Variants in EYS observed in about 807,000 individuals in gnomAD.
EYS encodes protein eyes shut homolog.
EYS carries 250 observed loss-of-function variants against 282.1 expected under a neutral mutation model. The observed-to-expected ratio is 0.89, with a 90% CI of 0.80 to 0.98. The LOEUF (loss-of-function observed/expected upper bound fraction) is 0.98. EYS is among the 50% of genes least tolerant of loss of function. The pLI is 0.00. For synonymous variants in EYS, 1,355 were observed against 1,282.9 expected, an observed-to-expected ratio of 1.06 and a Z score of -1.20; for missense variants, 4,016 against 3,709.0, an observed-to-expected ratio of 1.08 and a Z score of -2.15.
intron 26 of EYS, among the ~76,000 whole-genome samples, chr6:64,535,776 A>G (rs1256723932): frequency 1.3e-5 from 2 of 152,108 alleles, no homozygotes; most frequent in Admixed American, 6.6e-5. Flanking sequence ...AATTAAATTC[A>G]TTAAAACATT....
At chr6:65,166,435 A>T (rs775114475) in intron 12 of EYS, among the ~76,000 whole-genome samples, 1 of 151,200 alleles carries the variant, frequency 6.6e-6, no homozygotes, top group East Asian at 2.0e-4. Context: ...CCTCACATTT[A>T]TGGTCAAGTA....
intron 28 of EYS, among the ~76,000 whole-genome samples, chr6:64,389,560 A>G (rs1773032260): frequency 6.6e-6 from 1 of 152,248 alleles, no homozygotes; most frequent in Non-Finnish European, 1.5e-5. Context: ...GCACACAGCC[A>G]TATGTTTCTT....
At chr6:64,792,750 T>C (rs746599109) in intron 22 of EYS, among the ~76,000 whole-genome samples, 5 of 152,000 alleles carry the variant, frequency 3.3e-5, no homozygotes, top group African/African-American at 4.8e-5. Flanking sequence ...TATTGTATAA[T>C]GTTAGGCTAA....
chr6:65,195,822 C>T (rs1465175433), intron 12 of EYS, among the ~76,000 whole-genome samples: 1 of 151,886 alleles, frequency 6.6e-6, no homozygotes, highest in Non-Finnish European at 1.5e-5. Context: ...TGCTTCATAC[C>T]AAACAGTATT....
At chr6:64,566,389 C>G (rs1562065513) in intron 26 of EYS, among the ~76,000 whole-genome samples, 1 of 152,068 alleles carries the variant, frequency 6.6e-6, no homozygotes, top group Non-Finnish European at 1.5e-5. Context: ...GTAAAAATTG[C>G]AAAATAAATG....
At chr6:64,201,115 C>G (rs1765449120) in intron 31 of EYS, among the ~76,000 whole-genome samples, 2 of 151,876 alleles carry the variant, frequency 1.3e-5, no homozygotes, top group Admixed American at 6.6e-5. Context: ...ATAGGTTTTG[C>G]CAGATGAAGG....
chr6:64,682,325 G>A (rs1277341177), intron 22 of EYS, among the ~76,000 whole-genome samples: 1 of 151,980 alleles, frequency 6.6e-6, no homozygotes, highest in African/African-American at 2.4e-5. Flanking sequence ...CCGAAATCGC[G>A]CCACTGTACT....
intron 31 of EYS, among the ~76,000 whole-genome samples, chr6:64,162,310 T>C (rs535281913): frequency 1.4e-4 from 22 of 152,294 alleles, no homozygotes; most frequent in African/African-American, 4.6e-4. Flanking sequence ...CTGGACCATA[T>C]GCTCTAAGAA....
intron 13 of EYS, among the ~76,000 whole-genome samples, chr6:65,055,593 A>G (rs1204700858): frequency 6.6e-6 from 1 of 151,972 alleles, no homozygotes; most frequent in Non-Finnish European, 1.5e-5. Flanking sequence ...TAGAAGTAAT[A>G]TTTCCTTAGG....
At chr6:63,851,247 C>A (rs1254861522) in intron 36 of EYS, among the ~76,000 whole-genome samples, 1 of 152,134 alleles carries the variant, frequency 6.6e-6, no homozygotes. Context: ...ACCCCACTGG[C>A]AATATTGGAC....
intron 26 of EYS, among the ~76,000 whole-genome samples, chr6:64,468,927 A>T (rs1776021189): frequency 6.6e-6 from 1 of 152,030 alleles, no homozygotes; most frequent in Admixed American, 6.6e-5. Context: ...CATTTATTCT[A>T]TGTCTTTGCT....
intron 2 of EYS, among the ~76,000 whole-genome samples, chr6:65,593,127 G>A (rs914270499): frequency 1.3e-4 from 20 of 152,054 alleles, no homozygotes; most frequent in African/African-American, 1.9e-4. Context: ...TCTCTGATGC[G>A]TAACCATTAA....
intron 31 of EYS, among the ~76,000 whole-genome samples, chr6:64,161,170 A>T (rs74866409): frequency 5.3e-5 from 8 of 152,352 alleles, no homozygotes; most frequent in Non-Finnish European, 8.8e-5. Flanking sequence ...ACAAGCATTT[A>T]AAAAAGTTCT....
chr6:65,352,668 A>G (rs974080917), intron 9 of EYS, among the ~76,000 whole-genome samples: 3 of 151,868 alleles, frequency 2.0e-5, no homozygotes, highest in Admixed American at 2.0e-4. Flanking sequence ...TTCCAGCATT[A>G]TGACTCACCT....
chr6:65,238,414 T>C (rs1160504063), intron 12 of EYS, among the ~76,000 whole-genome samples: 1 of 151,810 alleles, frequency 6.6e-6, no homozygotes, highest in Admixed American at 6.6e-5. Context: ...AAAAGTTATC[T>C]CATTTTGATC....
chr6:65,632,619 G>A (rs545047561), intron 2 of EYS, among the ~76,000 whole-genome samples: 12 of 152,284 alleles, frequency 7.9e-5, no homozygotes, highest in Middle Eastern at 6.8e-3. Context: ...AAAGGTCAGC[G>A]TTGCTGTTTG....
chr6:65,223,122 A>C (rs1766514816), intron 12 of EYS, among the ~76,000 whole-genome samples: 1 of 152,148 alleles, frequency 6.6e-6, no homozygotes, highest in African/African-American at 2.4e-5. Context: ...CTCTAATCAA[A>C]ACCTCACAAT....
chr6:65,238,854 T>C (rs1488230360), intron 12 of EYS, among the ~76,000 whole-genome samples: 1 of 133,382 alleles, frequency 7.5e-6, no homozygotes, highest in East Asian at 2.0e-4. Flanking sequence ...ACCCAAATTT[T>C]GGTAACATAA....
chr6:63,826,064 T>C (rs1771451273), intron 36 of EYS, among the ~76,000 whole-genome samples: 1 of 152,122 alleles, frequency 6.6e-6, no homozygotes, highest in African/African-American at 2.4e-5. Context: ...TAGAAAAAAT[T>C]CAGGAAACTT....
Sources: gnomAD v4.1 joint callset for allele counts (sites outside exome capture counted in the v4.1 genomes callset) on GRCh38, gnomAD v4.1.1 for gene constraint, MANE v1.5 for transcripts, NCBI Gene and HGNC (gene_info 2026-07-23, HGNC 2026-07-21) for gene names.